The following PARP6 variants were observed in gnomAD, a reference collection of about 807,000 sequenced individuals.
PARP6 encodes poly(ADP-ribose) polymerase family member 6, also known as protein mono-ADP-ribosyltransferase PARP6.
Under a neutral mutation model 92.0 loss-of-function variants are expected in PARP6, and 27 were observed. The observed-to-expected ratio is 0.29, with a 90% CI of 0.22 to 0.40. PARP6 has a LOEUF of 0.40. PARP6 is among the 10% of genes least tolerant of loss of function. The probability of loss-of-function intolerance (pLI) is 1.00; values close to 1 mark genes in which losing one functional copy is unlikely to be tolerated. For missense variants in PARP6, 501 were observed against 784.5 expected (o/e 0.64, Z 4.32); for synonymous variants, 272 against 281.2 (o/e 0.97, Z 0.33).
Position 72,266,809 on chromosome 15 carries a change from T to C in PARP6, c.17A>G (p.Gln6Arg). ...CTCCGAGTCGTCATCATTCCAGAACTGGCCTTTGATGTCCTAGTGGTGAGA... is the reference window on the plus strand; with the variant it reads ...CTCCGAGTCGTCATCATTCCAGAACCGGCCTTTGATGTCCTAGTGGTGAGA... MDIKG[Q>R]FWNDDDSEGD... The change falls in exon 4 of 24, where the codon CAG becomes CGG. Residue 6 changes from glutamine to arginine, a missense_variant. Transcript: ENST00000569795. 6.2e-7 allele frequency: 1 copy of C among 1,613,616 alleles called. No individual in the cohort carries two copies.
chr15:72,262,441 T>C (rs2086017037), intron 8 of PARP6, among the ~76,000 whole-genome samples: 1 of 152,198 alleles, frequency 6.6e-6, no homozygotes, highest in Non-Finnish European at 1.5e-5. Flanking sequence ...AATCCTTTGA[T>C]TGCCTTTTTA....
At chr15:72,269,309 C>T (rs1176054660) in intron 2 of PARP6, among the ~76,000 whole-genome samples, 10 of 152,068 alleles carry the variant, frequency 6.6e-5, no homozygotes, top group South Asian at 2.1e-4. Context: ...TATAGGCGCC[C>T]GCCACCATGC....
At chr15:72,258,880 T>A (rs1366792986) in intron 11 of PARP6, among the ~76,000 whole-genome samples, 1 of 152,228 alleles carries the variant, frequency 6.6e-6, no homozygotes, top group Non-Finnish European at 1.5e-5. Flanking sequence ...TGAATGCCCA[T>A]TATGTACCCA....
In PARP6 at chr15:72,265,396, G is replaced by A. The variant is rs550504522; in HGVS notation, c.237+17C>T. 1.2e-6 allele frequency: 2 copies of A among 1,605,872 alleles called. No homozygotes were observed. Among genetic ancestry groups the A allele is most frequent in the South Asian group, 1.1e-5 (1 of 90,912 alleles). On this transcript the variant is annotated intron_variant, in intron 6 of 23. Transcript: ENST00000569795. ...GTCCAGCTAGACATGTTGTTGGCAGGTACTAGCCCCACTTACATCGAGGAA... is the reference window on the plus strand; with the variant it reads ...GTCCAGCTAGACATGTTGTTGGCAGATACTAGCCCCACTTACATCGAGGAA...
chr15:72,241,884 G>A lies in PARP6; in HGVS notation c.1790+17C>T, dbSNP rs2083097617. ...CCTCACTCCTCGAGTAATCCCCAGA[G>A]TCCCTCCGACACTTACACAAAGAAG... On this transcript the variant is annotated intron_variant, in intron 23 of 23. Coordinates refer to ENST00000569795, the MANE Select transcript of PARP6 (RefSeq NM_001323532.2). This position sits in a 1 kb window ranked among gnomAD's most constrained non-coding sequence, Gnocchi z 4.1. 7 of 1,581,726 alleles carry A rather than the reference G, an allele frequency of 4.4e-6. No individual in the cohort carries two copies. Among genetic ancestry groups the A allele is most frequent in the Non-Finnish European group, 6.1e-6 (7 of 1,150,694 alleles).
In PARP6 at chr15:72,242,006, A is replaced by T. The variant is rs936525259; in HGVS notation, c.1706-21T>A. The T allele has an allele frequency of 7.6e-6, 12 of 1,574,858 alleles. No individual in the cohort carries two copies. In the Admixed American group the frequency reaches 1.3e-4, roughly 18 times the overall value. ...AATCACTGGGAGAAAGAGGGCCAGAAATCATAGATACAATGCTTAAGGCAC... is the reference window on the plus strand; with the variant it reads ...AATCACTGGGAGAAAGAGGGCCAGATATCATAGATACAATGCTTAAGGCAC... On this transcript the variant is annotated intron_variant, in intron 22 of 23. Coordinates refer to ENST00000569795, the MANE Select transcript of PARP6 (RefSeq NM_001323532.2). The surrounding 1 kb of genome is among the most constrained non-coding windows in gnomAD (Gnocchi z 4.3).
intron 16 of PARP6, among the ~76,000 whole-genome samples, chr15:72,252,891 A>G (rs2084562142): frequency 6.6e-6 from 1 of 152,226 alleles, no homozygotes; most frequent in African/African-American, 2.4e-5. Flanking sequence ...AACTTGAAAA[A>G]TCATGTCAGC....
intron 11 of PARP6, among the ~76,000 whole-genome samples, chr15:72,259,083 A>G (rs1262993515): frequency 2.6e-5 from 4 of 152,250 alleles, no homozygotes; most frequent in African/African-American, 9.6e-5. Flanking sequence ...CATCACATCT[A>G]GTTAATGCAT....
rs74025249 is a variant in PARP6, at chr15:72,264,772, G to T, written c.329-151C>A. On this transcript the variant is annotated intron_variant, in intron 7 of 23. Transcript: ENST00000569795. ...TGGAAGAAAAAAAACATCTGAGGGA[G>T]AGGGCAGATTCTCGAAGCTGTCATA... The T allele has an allele frequency of 2.5e-3, 1,575 of 636,550 alleles. 22 individuals are homozygous for T. In the African/African-American group the frequency reaches 0.026, roughly 10 times the overall value. The allele number at this position is 636,550 out of a possible 1,614,324, so 39.4% of individuals were successfully genotyped here.
At chr15:72,246,588 A>G (rs1419353347) in intron 20 of PARP6, among the ~76,000 whole-genome samples, 1 of 152,110 alleles carries the variant, frequency 6.6e-6, no homozygotes, top group Non-Finnish European at 1.5e-5. Context: ...AATTTGAGTT[A>G]TTATTCTTTT....
At chr15:72,270,510 C>T (rs8039365) in intron 2 of PARP6, among the ~76,000 whole-genome samples, 1,574 of 152,308 alleles carry the variant, frequency 0.01, 25 homozygotes, top group African/African-American at 0.036. Context: ...TCCACAATTG[C>T]CTCATTACTG....
In PARP6 at chr15:72,265,586, GAC is replaced by G. The variant is rs931224285; in HGVS notation, c.177-115_177-114del. ...GGACAGGGGAAAGGGAAGAGTGGATGACAGTTTTGTACCTAGGGTCTTAGCTA... is the reference window on the plus strand; with the variant it reads ...GGACAGGGGAAAGGGAAGAGTGGATGAGTTTTGTACCTAGGGTCTTAGCTA... On this transcript the variant is annotated intron_variant, in intron 5 of 23. Coordinates refer to ENST00000569795, the MANE Select transcript of PARP6 (RefSeq NM_001323532.2). 4.7e-5 allele frequency: 39 copies of G among 834,674 alleles called. No individual in the cohort carries two copies. The Admixed American group carries it at 7.3e-4, about 16-fold the overall frequency. 51.7% of individuals were successfully genotyped at this position (834,674 alleles called of 1,614,324 possible).
chr15:72,257,993 G>C, intron 12 of PARP6, 44 bp downstream of exon 12: 1 of 1,341,468 alleles, frequency 7.5e-7, no homozygotes, highest in Non-Finnish European at 1.1e-6. Context: ...GAGGAGTGAA[G>C]GGGACCTGGT....
Position 72,267,663 on chromosome 15 carries a change from G to C in PARP6, c.-186C>G. On this transcript the variant is annotated 5_prime_UTR_variant, in exon 3 of 24. Coordinates refer to ENST00000569795, the MANE Select transcript of PARP6 (RefSeq NM_001323532.2). ...GGCTCTGCTGTTGCGGTGGTAACAA[G>C]TCACTGTCCTGTGGAAAGTAGATAA... 1.6e-6 allele frequency: 1 copy of C among 627,042 alleles called. No individual in the cohort carries two copies. The highest frequency in any genetic ancestry group is 1.8e-5 in the African/African-American group (1 of 55,002). 38.8% of individuals were successfully genotyped at this position (627,042 alleles called of 1,614,324 possible). A position where few individuals can be genotyped will look rare whatever the true frequency, so the allele number is the denominator to read the frequency against.
At chr15:72,249,944 C>T (rs568012089) in intron 19 of PARP6, 76 bp downstream of exon 19, 7 of 961,470 alleles carry the variant, frequency 7.3e-6, no homozygotes, top group South Asian at 6.6e-5. Flanking sequence ...AAACAGCTTA[C>T]TCTAGAGCAG....
At chr15:72,253,621 G>C in intron 15 of PARP6, 117 bp from the exon 16 acceptor site, 1 of 782,162 alleles carries the variant, frequency 1.3e-6, no homozygotes, top group Admixed American at 2.1e-5. Context: ...AGGCCACACA[G>C]AGGAAAAAGG....
intron 14 of PARP6, 24 bp from the exon 15 acceptor site, chr15:72,254,544 A>C: frequency 6.3e-7 from 1 of 1,587,636 alleles, no homozygotes; most frequent in Non-Finnish European, 8.6e-7. Flanking sequence ...ATGGGAAGAG[A>C]AGAACCAAAT....
chr15:72,261,530 C>G, intron 9 of PARP6, 28 bp downstream of exon 9: 1 of 1,609,144 alleles, frequency 6.2e-7, no homozygotes. Context: ...AAGGTGTTTA[C>G]AGATGATCAG....
chr15:72,242,743 G>GA lies in PARP6; in HGVS notation c.1562-45dup. 1 of 1,279,160 alleles carries GA rather than the reference G, an allele frequency of 7.8e-7. No individual in the cohort carries two copies. The highest frequency in any genetic ancestry group is 1.1e-6 in the Non-Finnish European group (1 of 894,386). The allele number at this position is 1,279,160 out of a possible 1,614,324, so 79.2% of individuals were successfully genotyped here. On this transcript the variant is annotated intron_variant, in intron 20 of 23. Coordinates refer to ENST00000569795, the MANE Select transcript of PARP6 (RefSeq NM_001323532.2). This position sits in a 1 kb window ranked among gnomAD's most constrained non-coding sequence, Gnocchi z 4.3. The stretch of plus-strand genomic sequence containing the variant: ...CCCACTTCATTTATCAAAAATTTAC[G>GA]AAAGTGCCTACTATGTCCCAGCACT...
Sources: gnomAD v4.1 joint callset for allele counts (sites outside exome capture counted in the v4.1 genomes callset) on GRCh38, gnomAD v4.1.1 for gene constraint, Gnocchi (gnomAD v3.1) non-coding constraint, MANE v1.5 for transcripts, NCBI Gene and HGNC (gene_info 2026-07-23, HGNC 2026-07-21) for gene names.